The following ZBTB40 variants were observed in gnomAD, a reference collection of about 807,000 sequenced individuals.
ZBTB40 encodes zinc finger and BTB domain containing 40.
In ZBTB40, 60 loss-of-function variants were observed where a neutral mutation model predicts 117.5. That is an observed-to-expected ratio of 0.51 (90% CI 0.41 to 0.63). The LOEUF (loss-of-function observed/expected upper bound fraction) is 0.63, where lower values mean the gene tolerates loss of function less well. Among genes scored for constraint, ZBTB40 ranks in the 30% least tolerant of loss-of-function variants. The pLI, the probability that ZBTB40 is intolerant of heterozygous loss-of-function variation, is 0.00. For synonymous variants in ZBTB40, 525 were observed against 577.1 expected (o/e 0.91, Z 1.29); for missense variants, 1,287 against 1,498.5 (o/e 0.86, Z 2.33).
At chr1:22,499,910 T>C (rs575652441) in intron 3 of ZBTB40, among the ~76,000 whole-genome samples, 3 of 152,346 alleles carry the variant, frequency 2.0e-5, no homozygotes, top group African/African-American at 7.2e-5. Context: ...TGATACAGTA[T>C]TCATGAGCTC....
At chr1:22,509,780 A>G (rs1241431920) in intron 9 of ZBTB40, among the ~76,000 whole-genome samples, 2 of 152,184 alleles carry the variant, frequency 1.3e-5, no homozygotes, top group African/African-American at 4.8e-5. Context: ...CAAAGGGTTA[A>G]GTTACCTGTC....
rs1173386594 is a variant in ZBTB40 at position 22,530,113 on chromosome 1, TG to T, written c.*3720del. The T allele has an allele frequency of 1.3e-5, 2 of 151,724 alleles. No individual in the cohort carries two copies. The highest frequency in any genetic ancestry group is 2.9e-5 in the Non-Finnish European group (2 of 67,960). The allele number at this position is 151,724 out of a possible 1,614,324, so 9.4% of individuals were successfully genotyped here. A position where few individuals can be genotyped will look rare whatever the true frequency, so the allele number is the denominator to read the frequency against. ...AGGGAAGTGCTAACCATGTATAGAGTGGGCAGGCGGTTCCAGGGAGACAAGC... is the reference window on the plus strand; with the variant it reads ...AGGGAAGTGCTAACCATGTATAGAGTGGCAGGCGGTTCCAGGGAGACAAGC... On this transcript the variant is annotated 3_prime_UTR_variant, in exon 18 of 18. Transcript: ENST00000375647.
At chr1:22,514,913 A>T (rs753191804) in intron 12 of ZBTB40, among the ~76,000 whole-genome samples, 12 of 152,226 alleles carry the variant, frequency 7.9e-5, no homozygotes, top group Non-Finnish European at 1.8e-4. Context: ...GACATGGGGT[A>T]TTATAAATAT....
chr1:22,522,318 G>A, intron 15 of ZBTB40, 59 bp from the exon 16 acceptor site: 2 of 1,562,930 alleles, frequency 1.3e-6, no homozygotes, highest in Non-Finnish European at 1.8e-6. Context: ...TTACTCTTCA[G>A]CCTTGGAGAG....
chr1:22,496,320 G>A (rs1432717999), intron 3 of ZBTB40, among the ~76,000 whole-genome samples: 1 of 152,174 alleles, frequency 6.6e-6, no homozygotes, highest in Non-Finnish European at 1.5e-5. Flanking sequence ...GGTCCCTGCA[G>A]ACCAGGTAGT....
At position 22,526,533 on chromosome 1, in the gene ZBTB40, G is replaced by C. The variant is rs1158759743; in HGVS notation, c.*137G>C. ...GCACCAACCAACACAGTCTCACCTA[G>C]AAAACAGATGGAAGCTTCGTTGTTC... On this transcript the variant is annotated 3_prime_UTR_variant, in exon 18 of 18. Coordinates refer to ENST00000375647, the MANE Select transcript of ZBTB40 (RefSeq NM_014870.4). The C allele has an allele frequency of 1.8e-6, 2 of 1,105,056 alleles. No individual in the cohort carries two copies. The highest frequency in any genetic ancestry group is 2.7e-6 in the Non-Finnish European group (2 of 749,578). 68.5% of individuals were successfully genotyped at this position (1,105,056 alleles called of 1,614,324 possible). A position where few individuals can be genotyped will look rare whatever the true frequency, so the allele number is the denominator to read the frequency against.
rs1221672868 is a variant in ZBTB40, at chr1:22,517,441, C to G, written c.2810C>G (p.Ser937Cys). 3 of 1,613,942 alleles carry G rather than the reference C, an allele frequency of 1.9e-6. No homozygotes were observed. Among genetic ancestry groups the G allele is most frequent in the Non-Finnish European group, 2.5e-6 (3 of 1,180,030 alleles). ...GKGFRQANGL[S>C]IHLHTFHNIE... The stretch of plus-strand genomic sequence containing the variant: ...GGCTTCCGGCAAGCCAATGGCCTCT[C>G]CATCCATCTGCACACCTTTCACAGT... Residue 937 changes from serine to cysteine, a missense_variant, in exon 13 of 18, where the codon TCC (serine) becomes TGC (cysteine). Ser to Cys is a moderately radical substitution (Grantham distance 112, BLOSUM62 -1). This residue lies in a region of ZBTB40 where 417 missense variants were observed against 564.1 expected (regional missense o/e 0.74). Coordinates refer to ENST00000375647, the MANE Select transcript of ZBTB40 (RefSeq NM_014870.4).
intron 1 of ZBTB40, among the ~76,000 whole-genome samples, chr1:22,480,490 T>C (rs771823966): frequency 2.6e-5 from 4 of 152,164 alleles, no homozygotes; most frequent in Admixed American, 6.5e-5. Context: ...TGAGCTTCTT[T>C]TCTGTGTCGT....
rs534467051 is a variant in ZBTB40, at chr1:22,506,354, T to C, written c.1360+113T>C. 194 of 1,092,174 alleles carry C rather than the reference T, an allele frequency of 1.8e-4. 1 individual carries two copies. The East Asian group carries it at 4.5e-3, about 25-fold the overall frequency. 67.7% of individuals were successfully genotyped at this position (1,092,174 alleles called of 1,614,324 possible). ...GATAAGATTATGTTAAGAAATGTCA[T>C]TGCAGAATAGAAACTAGCCGTCATA... On this transcript the variant is annotated intron_variant, in intron 6 of 17. Coordinates refer to ENST00000375647, the MANE Select transcript of ZBTB40 (RefSeq NM_014870.4).
At chr1:22,519,817 G>A in intron 13 of ZBTB40, 2 of 570,272 alleles carry the variant, frequency 3.5e-6, no homozygotes, top group Non-Finnish European at 3.2e-6. Context: ...TGAACTACAT[G>A]ATGCTGCAGA....
chr1:22,490,265 C>T lies in ZBTB40; in HGVS notation c.317C>T (p.Ala106Val). Residue 106 changes from alanine to valine, a missense_variant, in exon 2 of 18, where the codon GCT becomes GTT. By Grantham distance (64) the Ala-to-Val change is moderately conservative (BLOSUM62 0). Coordinates refer to ENST00000375647, the MANE Select transcript of ZBTB40 (RefSeq NM_014870.4). ...GACAGTCTACAGATGTTTGATGTAG[C>T]TGTTAGCTGCAAAAATCTTCTGACC... ...LADSLQMFDV[A>V]VSCKNLLTSL... 6.2e-7 allele frequency: 1 copy of T among 1,614,212 alleles called. No homozygotes were observed. Among genetic ancestry groups the T allele is most frequent in the Non-Finnish European group, 8.5e-7 (1 of 1,180,040 alleles).
At position 22,511,110 on chromosome 1, in the gene ZBTB40, T is replaced by A. The variant is rs1196261924; in HGVS notation, c.1834-69T>A. 1.3e-6 allele frequency: 2 copies of A among 1,534,196 alleles called. No homozygotes were observed. Among genetic ancestry groups the A allele is most frequent in the Non-Finnish European group, 1.8e-6 (2 of 1,124,536 alleles). The stretch of plus-strand genomic sequence containing the variant: ...GGGATTAGCTTTTTTTTTTTTTTTT[T>A]AGGTTGAAAACCATGGGGAAAATCT... On this transcript the variant is annotated intron_variant, in intron 9 of 17. Transcript: ENST00000375647.
intron 14 of ZBTB40, among the ~76,000 whole-genome samples, chr1:22,520,625 C>T (rs1462288744): frequency 1.3e-5 from 2 of 152,194 alleles, no homozygotes; most frequent in Non-Finnish European, 2.9e-5. Flanking sequence ...GGGAGTGGAA[C>T]ACTACCTGGA....
chr1:22,526,372 G>C lies in ZBTB40; in HGVS notation c.3696G>C (p.Thr1232=), dbSNP rs762594669. The change falls in exon 18 of 18, where the codon ACG becomes ACC. Residue 1232 remains threonine, a synonymous_variant. Transcript: ENST00000375647. ...TVEDLLDGTV[T]LICGEAK ...AGGACTTGCTGGATGGCACAGTGACGCTGATCTGTGGTGAGGCCAAATGAG... is the reference window on the plus strand; with the variant it reads ...AGGACTTGCTGGATGGCACAGTGACCCTGATCTGTGGTGAGGCCAAATGAG... 1 of 1,614,058 alleles carries C rather than the reference G, an allele frequency of 6.2e-7. No individual in the cohort carries two copies. The highest frequency in any genetic ancestry group is 8.5e-7 in the Non-Finnish European group (1 of 1,180,036).
intron 6 of ZBTB40, among the ~76,000 whole-genome samples, chr1:22,506,573 C>T (rs956892569): frequency 3.3e-5 from 5 of 152,144 alleles, no homozygotes; most frequent in Non-Finnish European, 5.9e-5. Flanking sequence ...CAGCCATATT[C>T]GCAAATAGGA....
chr1:22,482,755 A>C (rs1638358333), intron 1 of ZBTB40, among the ~76,000 whole-genome samples: 1 of 152,180 alleles, frequency 6.6e-6, no homozygotes, highest in African/African-American at 2.4e-5. Context: ...TAGCATTTTC[A>C]GATTGACTTC....
At chr1:22,475,500 A>G (rs1315879433) in intron 1 of ZBTB40, among the ~76,000 whole-genome samples, 1 of 152,180 alleles carries the variant, frequency 6.6e-6, no homozygotes, top group Non-Finnish European at 1.5e-5. Context: ...ATATGTGCCA[A>G]GTATGTCTCT....
Position 22,508,533 on chromosome 1 carries a change from A to T in ZBTB40, c.1501A>T (p.Met501Leu). Residue 501 changes from methionine to leucine, a missense_variant, in exon 8 of 18, where the codon ATG becomes TTG. By Grantham distance (15) the Met-to-Leu change is conservative. Around this residue, in one of 2 missense-constraint regions of ZBTB40, gnomAD observed 870 missense variants for 934.4 expected, o/e 0.93. Transcript: ENST00000375647. ...TSLAPGEREV[M>L]EKLVKRDSGS... ...GTGTTTGTGTTACATCTTGAAGGTCATGGAGAAGCTTGTGAAACGTGACTC... is the reference window on the plus strand; with the variant it reads ...GTGTTTGTGTTACATCTTGAAGGTCTTGGAGAAGCTTGTGAAACGTGACTC... 6.2e-7 allele frequency: 1 copy of T among 1,614,198 alleles called. No individual in the cohort carries two copies. Among genetic ancestry groups the T allele is most frequent in the Non-Finnish European group, 8.5e-7 (1 of 1,180,036 alleles).
At chr1:22,432,554 A>G (rs773040616) in intron 1 of ZBTB40, among the ~76,000 whole-genome samples, 1 of 152,256 alleles carries the variant, frequency 6.6e-6, no homozygotes, top group Non-Finnish European at 1.5e-5. Flanking sequence ...CAAGTGTTTC[A>G]TAGCCATACA....
Sources: gnomAD v4.1 joint callset for allele counts (sites outside exome capture counted in the v4.1 genomes callset) on GRCh38, gnomAD v4.1.1 for gene constraint, gnomAD v4.1.1 regional missense constraint, MANE v1.5 for transcripts, NCBI Gene and HGNC (gene_info 2026-07-23, HGNC 2026-07-21) for gene names.